Variants in RASSF4 observed in about 807,000 individuals in gnomAD.
RASSF4 encodes ras association domain-containing protein 4.
RASSF4 carries 38 observed loss-of-function variants against 41.1 expected under a neutral mutation model. The observed-to-expected ratio is 0.92, with a 90% CI of 0.71 to 1.21. The LOEUF is 1.21. Ranked by LOEUF, RASSF4 falls within the 50% of genes most tolerant of loss-of-function variation. RASSF4 has a pLI of 0.00. For synonymous variants in RASSF4, 179 were observed against 163.4 expected, an observed-to-expected ratio of 1.10 and a Z score of -0.73; for missense variants, 414 against 419.4, an observed-to-expected ratio of 0.99 and a Z score of 0.11.
In RASSF4 at chr10:44,991,114, G is replaced by C. The variant is rs199849431; in HGVS notation, c.807+45G>C. 654 of 1,563,752 alleles carry C rather than the reference G, an allele frequency of 4.2e-4. 3 individuals are homozygous for C. The highest frequency in any genetic ancestry group is 2.9e-3 in the Middle Eastern group (16 of 5,492). On this transcript the variant is annotated intron_variant, in intron 9 of 10. Coordinates refer to ENST00000340258, the MANE Select transcript of RASSF4 (RefSeq NM_032023.4). ...GGGGAGGCCTGCTCTAGGGTGAGGG[G>C]TTCTTGGGTGACGGGGCCTCCCAAG...
intron 1 of RASSF4, among the ~76,000 whole-genome samples, chr10:44,969,656 C>T (rs564222174): frequency 2.0e-5 from 3 of 152,316 alleles, no homozygotes; most frequent in Admixed American, 2.0e-4. Flanking sequence ...GTTGTAGGGA[C>T]TGGAGGAGAT....
chr10:44,976,052 G>A (rs541647252), intron 3 of RASSF4: 2 of 150,702 alleles, frequency 1.3e-5, no homozygotes, highest in African/African-American at 2.5e-5. Flanking sequence ...AGGCTGCCCC[G>A]GCTAAAGGCT....
In RASSF4 at chr10:44,991,901, C is replaced by G. The variant is rs754094694; in HGVS notation, c.808-4C>G. On this transcript the variant is annotated splice_region_variant and splice_polypyrimidine_tract_variant and intron_variant, in intron 9 of 10. Coordinates refer to ENST00000340258, the MANE Select transcript of RASSF4 (RefSeq NM_032023.4). ...GCACATTAAAATGTTCTTGGATTTTCTAGGTCGCTCAGTACATTAAGTTTG... is the reference window on the plus strand; with the variant it reads ...GCACATTAAAATGTTCTTGGATTTTGTAGGTCGCTCAGTACATTAAGTTTG... 3.1e-5 allele frequency: 50 copies of G among 1,595,380 alleles called. No individual in the cohort carries two copies. The highest frequency in any genetic ancestry group is 4.2e-5 in the Non-Finnish European group (49 of 1,166,934).
chr10:44,975,131 G>A (rs1057091571), intron 3 of RASSF4, among the ~76,000 whole-genome samples: 81 of 152,118 alleles, frequency 5.3e-4, no homozygotes, highest in African/African-American at 1.9e-3. Context: ...TGGTGACCGC[G>A]GGCGCGCTCC....
chr10:44,970,231 A>G lies in RASSF4; in HGVS notation c.29A>G (p.His10Arg). ...AAGGAAGACTGTCTGCCGAGTTCTCACGTGCCCATCAGTGACAGCAAGTCC... is the reference window on the plus strand; with the variant it reads ...AAGGAAGACTGTCTGCCGAGTTCTCGCGTGCCCATCAGTGACAGCAAGTCC... MKEDCLPSS[H>R]VPISDSKSIQ... Residue 10 changes from histidine (H) to arginine (R), a missense_variant, in exon 2 of 11, where the codon CAC becomes CGC. Transcript: ENST00000340258. The G allele has an allele frequency of 6.2e-7, 1 of 1,614,060 alleles. No homozygotes were observed. The highest frequency in any genetic ancestry group is 1.3e-5 in the African/African-American group (1 of 75,056).
rs1249986341 is a variant in RASSF4, at chr10:44,985,268, C to T, written c.531+298C>T. On this transcript the variant is annotated intron_variant, in intron 6 of 10. Coordinates refer to ENST00000340258, the MANE Select transcript of RASSF4 (RefSeq NM_032023.4). ...GGGCGCTTTCTAGGAGGCTTCCCCC[C>T]GAACTCGATTGGTTGATCCCTGGGA... Among the ~76,000 whole-genome samples, 4 of 152,196 alleles carry T rather than the reference C, an allele frequency of 2.6e-5. No homozygotes were observed. The South Asian group carries it at 6.2e-4, about 24-fold the overall frequency.
intron 3 of RASSF4, among the ~76,000 whole-genome samples, chr10:44,975,180 A>T (rs1265450577): frequency 6.6e-6 from 1 of 152,020 alleles, no homozygotes; most frequent in Non-Finnish European, 1.5e-5. Flanking sequence ...ACCCCTCAGC[A>T]ATGAGAGAAA....
intron 1 of RASSF4, among the ~76,000 whole-genome samples, chr10:44,960,701 T>C (rs538411670): frequency 2.0e-4 from 30 of 152,296 alleles, no homozygotes; most frequent in African/African-American, 7.0e-4. Flanking sequence ...TAAGGACAGC[T>C]TCAGGAGCCC....
chr10:44,977,879 G>A (rs373320891), intron 3 of RASSF4: 17 of 1,612,268 alleles, frequency 1.1e-5, no homozygotes, highest in Middle Eastern at 1.6e-4. Context: ...CAGCACAGAG[G>A]TGGGCTGTGC....
At chr10:44,970,525 G>A (rs1841108794) in intron 2 of RASSF4, 1 of 460,252 alleles carries the variant, frequency 2.2e-6, no homozygotes. Flanking sequence ...TGTGTACAGG[G>A]CCTCATTATA....
At chr10:44,971,939 C>T in intron 3 of RASSF4, 91 bp downstream of exon 3, 1 of 817,514 alleles carries the variant, frequency 1.2e-6, no homozygotes, top group East Asian at 2.5e-5. Context: ...TGAAGACCAT[C>T]CCCTTCACTC....
At chr10:44,961,286 A>G (rs1840698934) in intron 1 of RASSF4, among the ~76,000 whole-genome samples, 1 of 152,242 alleles carries the variant, frequency 6.6e-6, no homozygotes, top group Non-Finnish European at 1.5e-5. Context: ...ATGAAGCTCC[A>G]GTGGGTAGCC....
intron 1 of RASSF4, among the ~76,000 whole-genome samples, chr10:44,966,524 T>G (rs1840909003): frequency 6.6e-6 from 1 of 151,668 alleles, no homozygotes; most frequent in African/African-American, 2.4e-5. Context: ...GAAGGGAGAG[T>G]GTGCAAGGGG....
In RASSF4 at chr10:44,993,408, C is replaced by A; in HGVS notation, c.*79C>A. 1.7e-6 allele frequency: 2 copies of A among 1,155,484 alleles called. No individual in the cohort carries two copies. The highest frequency in any genetic ancestry group is 2.7e-5 in the South Asian group (2 of 75,322). The allele number at this position is 1,155,484 out of a possible 1,614,324, so 71.6% of individuals were successfully genotyped here. A position where few individuals can be genotyped will look rare whatever the true frequency, so the allele number is the denominator to read the frequency against. ...GCCCTGGTTGCTGGCCCCGGCCGGT[C>A]ACATTGACTGATGGCCACCGCCTGA... On this transcript the variant is annotated 3_prime_UTR_variant, in exon 11 of 11. Coordinates refer to ENST00000340258, the MANE Select transcript of RASSF4 (RefSeq NM_032023.4).
chr10:44,963,502 G>A (rs762469152), intron 1 of RASSF4, among the ~76,000 whole-genome samples: 2 of 152,176 alleles, frequency 1.3e-5, no homozygotes, highest in Non-Finnish European at 2.9e-5. Context: ...GTTGTGGCTG[G>A]CAATTCGAAT....
intron 1 of RASSF4, among the ~76,000 whole-genome samples, chr10:44,966,645 A>G (rs1840913622): frequency 6.6e-6 from 1 of 152,218 alleles, no homozygotes; most frequent in African/African-American, 2.4e-5. Flanking sequence ...CCATTTTTAC[A>G]TGAAATATGG....
chr10:44,992,019 C>T lies in RASSF4; in HGVS notation c.905+17C>T, dbSNP rs750634208. On this transcript the variant is annotated intron_variant, in intron 10 of 10. Coordinates refer to ENST00000340258, the MANE Select transcript of RASSF4 (RefSeq NM_032023.4). The stretch of plus-strand genomic sequence containing the variant: ...GACCATGAAGTAAGCAGCACTTAAA[C>T]AGACAGTCATGGGTCCTGAACATCA... 5.9e-6 allele frequency: 9 copies of T among 1,524,202 alleles called. No homozygotes were observed. The South Asian group carries it at 6.7e-5, about 11-fold the overall frequency. 94.4% of individuals were successfully genotyped at this position (1,524,202 alleles called of 1,614,324 possible).
rs370108065 is a variant in RASSF4, at chr10:44,977,843, G to T, written c.139-4678G>T. The T allele has an allele frequency of 1.9e-6, 3 of 1,607,730 alleles. No individual in the cohort carries two copies. The African/African-American group carries it at 4.0e-5, about 21-fold the overall frequency. On this transcript the variant is annotated intron_variant, in intron 3 of 10. Coordinates refer to ENST00000340258, the MANE Select transcript of RASSF4 (RefSeq NM_032023.4). ...CTGGGCTGGCCTGTGGGGTGGCCTG[G>T]GTTGGCCCTGGGCCGTGGCCTTGTC...
intron 1 of RASSF4, among the ~76,000 whole-genome samples, chr10:44,960,081 G>A (rs1032148962): frequency 6.6e-6 from 1 of 152,184 alleles, no homozygotes; most frequent in Non-Finnish European, 1.5e-5. Context: ...GCAATTTAGG[G>A]GCTACAACCT....
Sources: allele counts gnomAD v4.1 joint callset (sites outside exome capture counted in the v4.1 genomes callset), GRCh38; gene constraint gnomAD v4.1.1; transcripts MANE v1.5; gene names NCBI Gene and HGNC (gene_info 2026-07-23, HGNC 2026-07-21).